MARCHF8: variants seen among roughly 807,000 people sequenced by gnomAD.
MARCHF8 encodes the protein membrane associated ring-CH-type finger 8.
A neutral mutation model predicts 51.6 loss-of-function variants in MARCHF8; 40 were observed. The observed-to-expected ratio is 0.77, with a 90% confidence interval of 0.60 to 1.01. The LOEUF is 1.01. Among genes scored for constraint, MARCHF8 ranks in the 50% least tolerant of loss-of-function variants. MARCHF8 has a pLI of 0.00. For synonymous variants in MARCHF8, 263 were observed against 280.3 expected, an observed-to-expected ratio of 0.94 and a Z score of 0.62; for missense variants, 685 against 708.6, an observed-to-expected ratio of 0.97 and a Z score of 0.38.
At chr10:45,470,219 T>C (rs751859733) in intron 3 of MARCHF8, among the ~76,000 whole-genome samples, 1 of 152,180 alleles carries the variant, frequency 6.6e-6, no homozygotes, top group Non-Finnish European at 1.5e-5. Context: ...ATGCTGAGAC[T>C]CTCTGCTCTG....
chr10:45,476,113 T>C (rs1017012405), intron 3 of MARCHF8, among the ~76,000 whole-genome samples: 2 of 152,150 alleles, frequency 1.3e-5, no homozygotes, highest in African/African-American at 4.8e-5. Context: ...GAAGAGACTG[T>C]TACACCAGAC....
At chr10:45,560,118 A>G (rs906675848) in intron 1 of MARCHF8, among the ~76,000 whole-genome samples, 3 of 152,072 alleles carry the variant, frequency 2.0e-5, no homozygotes, top group African/African-American at 7.2e-5. Context: ...AAGATCCTCA[A>G]AGATTCACAA....
intron 3 of MARCHF8, among the ~76,000 whole-genome samples, chr10:45,478,653 A>G (rs1374679329): frequency 6.6e-6 from 1 of 152,076 alleles, no homozygotes; most frequent in Admixed American, 6.5e-5. Context: ...CAAGAAAAAA[A>G]GATAGAAGAC....
intron 1 of MARCHF8, among the ~76,000 whole-genome samples, chr10:45,556,033 T>G (rs1001654384): frequency 6.6e-6 from 1 of 152,164 alleles, no homozygotes; most frequent in Non-Finnish European, 1.5e-5. Flanking sequence ...GATTAAGTAA[T>G]GGATCTATGT....
chr10:45,556,401 G>C (rs920856387), intron 1 of MARCHF8, among the ~76,000 whole-genome samples: 5 of 152,064 alleles, frequency 3.3e-5, no homozygotes, highest in Admixed American at 2.6e-4. Context: ...AAAATGAAAA[G>C]AACAAGAATG....
intron 1 of MARCHF8, among the ~76,000 whole-genome samples, chr10:45,592,740 T>C (rs1299433260): frequency 6.6e-6 from 1 of 152,194 alleles, no homozygotes; most frequent in Non-Finnish European, 1.5e-5. Context: ...TTCCCAGCTC[T>C]GCTTTGAGCT....
rs758186363 is a variant in MARCHF8, at chr10:45,463,862, G to A, written c.377C>T (p.Ala126Val). 1.1e-5 allele frequency: 17 copies of A among 1,539,582 alleles called. No individual in the cohort carries two copies. The South Asian group carries it at 1.5e-4, about 14-fold the overall frequency. ...VTVICKDTLQ[A>V]SKRNSFGSEW... ...TGAACCAAAGGAATTTCTCTTTGACGCCTGTAATGTGTCCTTACAGATAAC... is the reference window on the plus strand; with the variant it reads ...TGAACCAAAGGAATTTCTCTTTGACACCTGTAATGTGTCCTTACAGATAAC... The change falls in exon 5 of 8, where the codon GCG becomes GTG. Residue 126 changes from alanine to valine, a missense_variant. Coordinates refer to ENST00000453424, the MANE Select transcript of MARCHF8 (RefSeq NM_001282866.2).
At chr10:45,581,966 C>A (rs1272671307) in intron 1 of MARCHF8, among the ~76,000 whole-genome samples, 1 of 149,340 alleles carries the variant, frequency 6.7e-6, no homozygotes, top group Non-Finnish European at 1.5e-5. Flanking sequence ...AGCAGATTTT[C>A]AAAAAAGTAT....
intron 3 of MARCHF8, among the ~76,000 whole-genome samples, chr10:45,482,612 G>A (rs764014363): frequency 6.6e-6 from 1 of 152,184 alleles, no homozygotes; most frequent in African/African-American, 2.4e-5. Context: ...AAATTAGCCA[G>A]GTTTGGTGGT....
chr10:45,575,172 G>A (rs2044475350), intron 1 of MARCHF8, among the ~76,000 whole-genome samples: 5 of 152,114 alleles, frequency 3.3e-5, no homozygotes, highest in Admixed American at 3.3e-4. Flanking sequence ...AAAAGTATCA[G>A]ATCCCATCGC....
chr10:45,472,050 C>T lies in MARCHF8; in HGVS notation c.154-7723G>A, dbSNP rs184911997. Among the ~76,000 whole-genome samples, 134 of 152,310 alleles carry T rather than the reference C, an allele frequency of 8.8e-4. 1 individual carries two copies. The highest frequency in any genetic ancestry group is 6.2e-3 in the Admixed American group (95 of 15,304). ...AACTCTAAGAGCGAACCCTGAGCCG[C>T]GGAGTATACTACTGACAGAAACATG... On this transcript the variant is annotated intron_variant, in intron 3 of 7. Coordinates refer to ENST00000453424, the MANE Select transcript of MARCHF8 (RefSeq NM_001282866.2).
chr10:45,491,000 T>C (rs12768131), intron 2 of MARCHF8, among the ~76,000 whole-genome samples: 9,379 of 152,030 alleles, frequency 0.062, 331 homozygotes, highest in Non-Finnish European at 0.067. Flanking sequence ...ACCTCCTGGG[T>C]TCAAGTGATC....
chr10:45,484,434 C>T (rs1291854250), intron 3 of MARCHF8, among the ~76,000 whole-genome samples: 2 of 152,158 alleles, frequency 1.3e-5, no homozygotes, highest in Non-Finnish European at 2.9e-5. Context: ...GGCTGCATTC[C>T]AGTGCCCGTC....
chr10:45,568,650 C>T (rs1370253826), intron 1 of MARCHF8, among the ~76,000 whole-genome samples: 1 of 133,642 alleles, frequency 7.5e-6, no homozygotes, highest in Non-Finnish European at 1.5e-5. Context: ...ACCCAGGAGG[C>T]GGAGGTTGCA....
intron 3 of MARCHF8, among the ~76,000 whole-genome samples, chr10:45,486,905 G>C (rs2042990538): frequency 1.3e-5 from 2 of 149,704 alleles, no homozygotes; most frequent in South Asian, 4.3e-4. Flanking sequence ...CGCCTCCCAG[G>C]TTCAAGCGAT....
chr10:45,518,243 A>G (rs2043651515), intron 2 of MARCHF8, among the ~76,000 whole-genome samples: 1 of 152,174 alleles, frequency 6.6e-6, no homozygotes, highest in Non-Finnish European at 1.5e-5. Flanking sequence ...CAACCTTCAG[A>G]AGAACTCTGA....
intron 1 of MARCHF8, among the ~76,000 whole-genome samples, chr10:45,591,087 T>C (rs912493826): frequency 6.6e-6 from 1 of 152,144 alleles, no homozygotes; most frequent in Non-Finnish European, 1.5e-5. Context: ...CCGCAAAACA[T>C]TGCTCCTAAC....
intron 1 of MARCHF8, among the ~76,000 whole-genome samples, chr10:45,533,543 T>C (rs886410021): frequency 2.6e-5 from 4 of 152,180 alleles, no homozygotes; most frequent in African/African-American, 9.7e-5. Flanking sequence ...TAATCTTCCA[T>C]TGGCTACTTA....
At chr10:45,475,543 T>C (rs1338469027) in intron 3 of MARCHF8, among the ~76,000 whole-genome samples, 1 of 152,140 alleles carries the variant, frequency 6.6e-6, no homozygotes, top group African/African-American at 2.4e-5. Context: ...CAACCTGCCA[T>C]TACCGCCACA....
Sources: gnomAD v4.1 joint callset for allele counts (sites outside exome capture counted in the v4.1 genomes callset) on GRCh38, gnomAD v4.1.1 for gene constraint, MANE v1.5 for transcripts, NCBI Gene and HGNC (gene_info 2026-07-23, HGNC 2026-07-21) for gene names.